GPM6A: variants seen among roughly 807,000 people sequenced by gnomAD.
The protein encoded by GPM6A is neuronal membrane glycoprotein M6-a.
A neutral mutation model predicts 32.1 loss-of-function variants in GPM6A; 7 were observed. The observed-to-expected ratio is 0.22, with a 90% CI of 0.12 to 0.41. The LOEUF (loss-of-function observed/expected upper bound fraction) is 0.41, where lower values mean the gene tolerates loss of function less well. Ranked by LOEUF, GPM6A falls within the 10% of genes least tolerant of loss-of-function variation. The pLI is 1.00. For synonymous variants in GPM6A, 130 were observed against 123.4 expected (o/e 1.05, Z -0.35); for missense variants, 235 against 347.2 (o/e 0.68, Z 2.57).
rs377524544 is a variant in GPM6A, at chr4:175,701,566, G to A, written c.230+9C>T. On this transcript the variant is annotated intron_variant, in intron 2 of 6. Transcript: ENST00000393658. ...ATGGAAAATAACAAGAAATACTAGA[G>A]TGACTTACATGGTAAAAACATCCAG... 1.9e-4 allele frequency: 306 copies of A among 1,596,526 alleles called. 3 individuals are homozygous for A. The South Asian group carries it at 2.0e-3, about 11-fold the overall frequency.
intron 1 of GPM6A, among the ~76,000 whole-genome samples, chr4:175,760,777 A>T (rs1732707936): frequency 6.6e-6 from 1 of 152,132 alleles, no homozygotes; most frequent in South Asian, 2.1e-4. Flanking sequence ...ATATACACCG[A>T]GATCTTCCTG....
chr4:175,946,274 T>C (rs915560550), intron 1 of GPM6A, among the ~76,000 whole-genome samples: 4 of 152,128 alleles, frequency 2.6e-5, no homozygotes, highest in African/African-American at 9.7e-5. Flanking sequence ...TCAGGAAAAT[T>C]TTTAAACAAA....
chr4:175,938,344 G>A (rs1382930966), intron 1 of GPM6A, among the ~76,000 whole-genome samples: 1 of 152,156 alleles, frequency 6.6e-6, no homozygotes, highest in Non-Finnish European at 1.5e-5. Context: ...CTTCCACAAT[G>A]GTTGAATTAA....
intron 1 of GPM6A, among the ~76,000 whole-genome samples, chr4:175,773,732 G>A (rs1733283794): frequency 6.6e-6 from 1 of 152,112 alleles, no homozygotes; most frequent in Non-Finnish European, 1.5e-5. Flanking sequence ...GTATACCTCA[G>A]AGTCCTGCAC....
chr4:175,728,019 A>AG (rs2111133240), intron 1 of GPM6A, among the ~76,000 whole-genome samples: 1 of 151,546 alleles, frequency 6.6e-6, no homozygotes, highest in East Asian at 1.9e-4. Flanking sequence ...AAAAAAAAAA[A>AG]AAAAACTTAC....
chr4:175,936,742 C>T (rs984916420), intron 1 of GPM6A, among the ~76,000 whole-genome samples: 3 of 151,702 alleles, frequency 2.0e-5, no homozygotes, highest in African/African-American at 7.3e-5. Flanking sequence ...AGTAAAAATA[C>T]CATAAAGCTA....
intron 1 of GPM6A, among the ~76,000 whole-genome samples, chr4:175,758,262 T>A (rs1579466422): frequency 6.6e-6 from 1 of 152,218 alleles, no homozygotes; most frequent in South Asian, 2.1e-4. Context: ...AAGCAATATA[T>A]TCTCTTGTTT....
intron 1 of GPM6A, among the ~76,000 whole-genome samples, chr4:175,940,516 TTGA>T (rs1280039441): frequency 4.6e-5 from 7 of 152,212 alleles, no homozygotes. Context: ...TAAAAATTTG[TTGA>T]TATTTCATTT....
intron 3 of GPM6A, among the ~76,000 whole-genome samples, chr4:175,671,682 C>T (rs1743080349): frequency 6.6e-6 from 1 of 152,064 alleles, no homozygotes; most frequent in South Asian, 2.1e-4. Context: ...GCTGCAGCCG[C>T]CACTGTTTAC....
chr4:175,869,144 T>A (rs1322767285), intron 1 of GPM6A, among the ~76,000 whole-genome samples: 1 of 152,198 alleles, frequency 6.6e-6, no homozygotes, highest in Non-Finnish European at 1.5e-5. Flanking sequence ...TTTCCAAAGC[T>A]ACTCTCAATT....
intron 3 of GPM6A, among the ~76,000 whole-genome samples, chr4:175,657,998 C>A (rs1051520462): frequency 1.3e-5 from 2 of 152,114 alleles, no homozygotes; most frequent in African/African-American, 4.8e-5. Flanking sequence ...ATTACTAAAT[C>A]ATTATGTAAA....
intron 1 of GPM6A, among the ~76,000 whole-genome samples, chr4:175,851,503 G>C (rs978732946): frequency 6.8e-6 from 1 of 147,414 alleles, no homozygotes; most frequent in African/African-American, 2.5e-5. Flanking sequence ...AAAAAAAAAA[G>C]ACTGTAGTCT....
intron 4 of GPM6A, 53 bp downstream of exon 4, chr4:175,651,781 G>C: frequency 7.2e-7 from 1 of 1,390,778 alleles, no homozygotes; most frequent in Non-Finnish European, 1.0e-6. Context: ...AGCTATGTAG[G>C]TAACACAATA....
upstream of GPM6A, chr4:176,002,390 C>A (rs1202338148): frequency 7.1e-6 from 11 of 1,551,516 alleles, no homozygotes; most frequent in Non-Finnish European, 9.6e-6. Flanking sequence ...GTTCTCCAAG[C>A]CGCGCTGAGG....
At chr4:175,761,285 G>A (rs1732728985) in intron 1 of GPM6A, among the ~76,000 whole-genome samples, 1 of 152,110 alleles carries the variant, frequency 6.6e-6, no homozygotes, top group South Asian at 2.1e-4. Context: ...GTAGAGACAG[G>A]GTTTCACCAT....
intron 1 of GPM6A, among the ~76,000 whole-genome samples, chr4:175,970,369 C>A (rs1394956625): frequency 6.6e-6 from 1 of 151,962 alleles, no homozygotes; most frequent in African/African-American, 2.4e-5. Context: ...GTAAAGTGAA[C>A]TTCCATGGAA....
At position 175,701,723 on chromosome 4, in the gene GPM6A, C is replaced by G. The variant is rs1283580397; in HGVS notation, c.82G>C (p.Ala28Pro). The G allele has an allele frequency of 6.2e-7, 1 of 1,613,766 alleles. No homozygotes were observed. The highest frequency in any genetic ancestry group is 8.5e-7 in the Non-Finnish European group (1 of 1,179,714). Residue 28 changes from alanine (A) to proline (P), a missense_variant, in exon 2 of 7, where the codon GCC becomes CCC. Ala to Pro is a conservative substitution (Grantham distance 27). Coordinates refer to ENST00000393658, the MANE Select transcript of GPM6A (RefSeq NM_201591.3). The part of the protein sequence containing the change: ...CIKCLGGIPY[A>P]SLIATILLYA... ...AGCAGGATGGTGGCAATCAGAGAGG[C>G]ATAGGGAATGCCCCCCAGGCATTTG...
intron 1 of GPM6A, among the ~76,000 whole-genome samples, chr4:175,900,254 C>T (rs1737915827): frequency 8.2e-6 from 1 of 122,480 alleles, no homozygotes; most frequent in African/African-American, 3.2e-5. Context: ...GTCTGGGTGA[C>T]AAGAGCAAGA....
intron 1 of GPM6A, among the ~76,000 whole-genome samples, chr4:175,791,652 A>T (rs893654937): frequency 2.6e-5 from 4 of 152,186 alleles, no homozygotes; most frequent in Admixed American, 1.3e-4. Context: ...TACTTAATAG[A>T]TGGAGACTAC....
Sources: gnomAD v4.1 joint callset for allele counts (sites outside exome capture counted in the v4.1 genomes callset) on GRCh38, gnomAD v4.1.1 for gene constraint, MANE v1.5 for transcripts, NCBI Gene and HGNC (gene_info 2026-07-23, HGNC 2026-07-21) for gene names.